The following ME2 variants were observed in gnomAD, a reference collection of about 807,000 sequenced individuals.
ME2 encodes the protein malic enzyme 2, also known as NAD-dependent malic enzyme, mitochondrial.
Under a neutral mutation model 73.7 loss-of-function variants are expected in ME2, and 60 were observed. That is an observed-to-expected ratio of 0.81 (90% CI 0.66 to 1.01). The LOEUF (loss-of-function observed/expected upper bound fraction) is 1.01, where lower values mean the gene tolerates loss of function less well. ME2 is among the 50% of genes least tolerant of loss of function. The pLI, the probability that ME2 is intolerant of heterozygous loss-of-function variation, is 0.00. For missense variants in ME2, 594 were observed against 705.5 expected, an observed-to-expected ratio of 0.84 and a Z score of 1.79; for synonymous variants, 199 against 236.9, an observed-to-expected ratio of 0.84 and a Z score of 1.47.
intron 13 of ME2, chr18:50,933,573 G>C (rs1599120954): frequency 6.6e-6 from 1 of 152,002 alleles, no homozygotes; most frequent in East Asian, 1.9e-4. Context: ...CAAAATTAAT[G>C]TGTTCTATTC....
rs749144037 is a variant in ME2 at position 50,932,385 on chromosome 18, A to G, written c.1417+25A>G. ...GGTAAATGCCACCATTATTTATGTTATAGAGCAATAGTTAATTATGTAAAA... is the reference window on the plus strand; with the variant it reads ...GGTAAATGCCACCATTATTTATGTTGTAGAGCAATAGTTAATTATGTAAAA... On this transcript the variant is annotated intron_variant, in intron 13 of 15. Transcript: ENST00000321341. 4 of 1,525,104 alleles carry G rather than the reference A, an allele frequency of 2.6e-6. No homozygotes were observed. The African/African-American group carries it at 4.1e-5, about 16-fold the overall frequency. 94.5% of individuals were successfully genotyped at this position (1,525,104 alleles called of 1,614,324 possible).
At chr18:50,881,897 T>C (rs1460518087) in intron 1 of ME2, among the ~76,000 whole-genome samples, 2 of 152,220 alleles carry the variant, frequency 1.3e-5, no homozygotes, top group Non-Finnish European at 2.9e-5. Context: ...AAATAGGTCT[T>C]GTAGTTTAAC....
At chr18:50,898,392 A>G (rs1479289568) in intron 2 of ME2, among the ~76,000 whole-genome samples, 1 of 152,150 alleles carries the variant, frequency 6.6e-6, no homozygotes, top group East Asian at 1.9e-4. Flanking sequence ...TAGTTCCAGA[A>G]CTTTTTTATT....
Position 50,922,317 on chromosome 18 carries a change from G to T in ME2, c.1056+1130G>T, listed in dbSNP as rs893367391. Among the ~76,000 whole-genome samples the T allele has an allele frequency of 2.0e-5, 3 of 152,294 alleles. No homozygotes were observed. The East Asian group carries it at 5.8e-4, about 29-fold the overall frequency. ...GTGAAGTTTTACAAATGAAGAAACAGTTTAAAAGGTCGAGGGAGTTTTCCA... is the reference window on the plus strand; with the variant it reads ...GTGAAGTTTTACAAATGAAGAAACATTTTAAAAGGTCGAGGGAGTTTTCCA... On this transcript the variant is annotated intron_variant, in intron 10 of 15. Transcript: ENST00000321341.
intron 2 of ME2, among the ~76,000 whole-genome samples, chr18:50,903,771 C>T (rs920933435): frequency 1.4e-4 from 22 of 152,258 alleles, no homozygotes; most frequent in African/African-American, 5.1e-4. Context: ...AAATGAACTG[C>T]ATAGTTCATT....
At chr18:50,908,673 C>T (rs1468131305) in intron 3 of ME2, among the ~76,000 whole-genome samples, 1 of 152,172 alleles carries the variant, frequency 6.6e-6, no homozygotes, top group African/African-American at 2.4e-5. Flanking sequence ...TGGAGTCTCG[C>T]TCTGTTGCCC....
intron 1 of ME2, among the ~76,000 whole-genome samples, chr18:50,879,585 C>T (rs938624673): frequency 1.3e-5 from 2 of 152,242 alleles, no homozygotes; most frequent in Non-Finnish European, 2.9e-5. Context: ...CCGGCTGGTG[C>T]CTGGGCGCCC....
intron 4 of ME2, 102 bp from the exon 5 acceptor site, chr18:50,916,066 A>G (rs1177791076): frequency 8.8e-6 from 7 of 793,644 alleles, no homozygotes; most frequent in Admixed American, 7.4e-5. Flanking sequence ...AAATTATACC[A>G]TGTCTTGATA....
intron 2 of ME2, among the ~76,000 whole-genome samples, chr18:50,896,414 G>T (rs1045358192): frequency 6.6e-6 from 1 of 152,120 alleles, no homozygotes; most frequent in Non-Finnish European, 1.5e-5. Flanking sequence ...TAATTAGAAT[G>T]ATTAGATGAC....
At chr18:50,913,321 A>G (rs1158437204) in intron 4 of ME2, 1 of 162,848 alleles carries the variant, frequency 6.1e-6, no homozygotes, top group Non-Finnish European at 1.3e-5. Context: ...TCATTTTTTA[A>G]TCAGTTTTAA....
intron 13 of ME2, 117 bp from the exon 14 acceptor site, chr18:50,939,453 T>C (rs1917893043): frequency 1.7e-6 from 1 of 605,568 alleles, no homozygotes; most frequent in Non-Finnish European, 3.0e-6. Context: ...TGTTTTCTGT[T>C]TGGGGGGAGC....
chr18:50,915,945 T>C lies in ME2; in HGVS notation c.393-223T>C, dbSNP rs184030492. The C allele has an allele frequency of 2.7e-3, 1,078 of 399,024 alleles. 4 individuals are homozygous for C. The highest frequency in any genetic ancestry group is 3.6e-3 in the Non-Finnish European group (803 of 223,128). 24.7% of individuals were successfully genotyped at this position (399,024 alleles called of 1,614,324 possible). A position where few individuals can be genotyped will look rare whatever the true frequency, so the allele number is the denominator to read the frequency against. On this transcript the variant is annotated intron_variant, in intron 4 of 15. Transcript: ENST00000321341. Reference sequence around the variant, plus strand: ...TACATTTCTTCTTGGGTAAAATGACTGTATCATTTAACAATAATCTTTGTT... The same window carrying C: ...TACATTTCTTCTTGGGTAAAATGACCGTATCATTTAACAATAATCTTTGTT...
intron 10 of ME2, among the ~76,000 whole-genome samples, 158 bp downstream of exon 10, chr18:50,921,345 T>G (rs1917423355): frequency 6.6e-6 from 1 of 152,238 alleles, no homozygotes; most frequent in South Asian, 2.1e-4. Flanking sequence ...CTAGTCTTGT[T>G]GTCTTTTACA....
chr18:50,913,882 C>CACACACACACACAT (rs1393001860), intron 4 of ME2, among the ~76,000 whole-genome samples: 15 of 152,042 alleles, frequency 9.9e-5, no homozygotes, highest in Admixed American at 6.6e-5. Flanking sequence ...CACACACACA[C>CACACACACACACAT]ACACACACAT....
intron 1 of ME2, among the ~76,000 whole-genome samples, chr18:50,880,715 G>C (rs1916298629): frequency 6.6e-6 from 1 of 152,152 alleles, no homozygotes; most frequent in Non-Finnish European, 1.5e-5. Context: ...ACCGCGCCTA[G>C]CTCCTAATAT....
At chr18:50,921,324 A>G (rs971575586) in intron 10 of ME2, 137 bp downstream of exon 10, 8 of 515,978 alleles carry the variant, frequency 1.6e-5, no homozygotes, top group Middle Eastern at 5.0e-4. Flanking sequence ...CTCTCTTTTC[A>G]ACAGATGTCC....
chr18:50,898,448 T>G (rs1490046044), intron 2 of ME2, among the ~76,000 whole-genome samples: 1 of 152,198 alleles, frequency 6.6e-6, no homozygotes, highest in Non-Finnish European at 1.5e-5. Context: ...TTTATTTTTT[T>G]GAGACAGGTT....
chr18:50,916,132 G>A lies in ME2; in HGVS notation c.393-36G>A, dbSNP rs1568167345. 5 of 1,395,890 alleles carry A rather than the reference G, an allele frequency of 3.6e-6. No homozygotes were observed. The Admixed American group carries it at 7.6e-5, about 21-fold the overall frequency. The allele number at this position is 1,395,890 out of a possible 1,614,324, so 86.5% of individuals were successfully genotyped here. On this transcript the variant is annotated intron_variant, in intron 4 of 15. Coordinates refer to ENST00000321341, the MANE Select transcript of ME2 (RefSeq NM_002396.5). The stretch of plus-strand genomic sequence containing the variant: ...TGAACAAAAACTTAGAAACAAAGCT[G>A]TTGTGAAATGCAAAGGTGTTTTTGT...
At chr18:50,888,271 C>T (rs986853089) in intron 1 of ME2, among the ~76,000 whole-genome samples, 2 of 151,582 alleles carry the variant, frequency 1.3e-5, no homozygotes, top group African/African-American at 4.8e-5. Context: ...CTTGAGCCCC[C>T]GAGGTCGAGG....
Sources: allele counts gnomAD v4.1 joint callset (sites outside exome capture counted in the v4.1 genomes callset), GRCh38; gene constraint gnomAD v4.1.1; transcripts MANE v1.5; gene names NCBI Gene and HGNC (gene_info 2026-07-23, HGNC 2026-07-21).